Variants in THSD7B observed in about 807,000 individuals in gnomAD.
The protein encoded by THSD7B is thrombospondin type 1 domain containing 7B.
A neutral mutation model predicts 213.6 loss-of-function variants in THSD7B; 138 were observed. The observed-to-expected ratio is 0.65, with a 90% confidence interval of 0.56 to 0.74. THSD7B has a LOEUF of 0.74. Ranked by LOEUF, THSD7B falls within the 30% of genes least tolerant of loss-of-function variation. The probability of loss-of-function intolerance (pLI) is 0.00; values close to 1 mark genes in which losing one functional copy is unlikely to be tolerated. For missense variants in THSD7B, 1,931 were observed against 1,991.5 expected (o/e 0.97, Z 0.58); for synonymous variants, 742 against 687.0 (o/e 1.08, Z -1.25).
At chr2:136,944,082 T>C (rs1288981661) in intron 2 of THSD7B, among the ~76,000 whole-genome samples, 1 of 152,342 alleles carries the variant, frequency 6.6e-6, no homozygotes, top group African/African-American at 2.4e-5. Flanking sequence ...GTATGTTGTC[T>C]CTTTGTTCTT....
At chr2:137,119,108 G>A (rs1271590683) in intron 5 of THSD7B, among the ~76,000 whole-genome samples, 2 of 152,146 alleles carry the variant, frequency 1.3e-5, no homozygotes, top group Non-Finnish European at 2.9e-5. Flanking sequence ...ACCATATCAT[G>A]AGTAGTATAT....
chr2:137,068,836 G>T (rs966000358), intron 3 of THSD7B, among the ~76,000 whole-genome samples: 1 of 151,966 alleles, frequency 6.6e-6, no homozygotes, highest in African/African-American at 2.4e-5. Context: ...TGGTTATTAT[G>T]TCATTTGGAA....
In THSD7B at chr2:137,231,190, G is replaced by A. The variant is rs1681632232; in HGVS notation, c.1870G>A (p.Gly624Arg). 2 of 1,613,022 alleles carry A rather than the reference G, an allele frequency of 1.2e-6. No homozygotes were observed. Among genetic ancestry groups the A allele is most frequent in the Non-Finnish European group, 1.7e-6 (2 of 1,179,544 alleles). Residue 624 changes from glycine to arginine, a missense_variant, in exon 8 of 28, where the codon GGG becomes AGG. Gly to Arg is a moderately radical substitution (Grantham distance 125). Coordinates refer to ENST00000409968, the MANE Select transcript of THSD7B (RefSeq NM_001316349.2). Reference protein sequence around the residue: ...SQSCSNKNSDGKQTRSRTILA... With the variant: ...SQSCSNKNSDRKQTRSRTILA... ...GTCCTGTTCAAATAAAAACTCAGAT[G>A]GGAAACAGACCAGGTCAAGAACTAT... is the stretch of plus-strand genomic sequence containing the variant.
chr2:136,916,399 G>T (rs538579885), intron 2 of THSD7B, among the ~76,000 whole-genome samples: 132 of 152,258 alleles, frequency 8.7e-4, no homozygotes, highest in African/African-American at 3.1e-3. Flanking sequence ...TGCCTGCCAG[G>T]CCAGGCAGAC....
chr2:137,338,363 GA>G (rs1684688454), intron 12 of THSD7B, among the ~76,000 whole-genome samples: 1 of 151,964 alleles, frequency 6.6e-6, no homozygotes, highest in Admixed American at 6.6e-5. Context: ...ATAGTCTATT[GA>G]TCACAGTGGT....
At chr2:136,794,475 T>C (rs1206182341) in intron 1 of THSD7B, among the ~76,000 whole-genome samples, 2 of 151,924 alleles carry the variant, frequency 1.3e-5, no homozygotes, top group Non-Finnish European at 2.9e-5. Context: ...GGTATATTAC[T>C]CAATTTTCAA....
chr2:137,281,295 GA>G (rs202182338), intron 12 of THSD7B, among the ~76,000 whole-genome samples: 4 of 151,438 alleles, frequency 2.6e-5, no homozygotes, highest in South Asian at 2.1e-4. Flanking sequence ...GTTTTTCTGG[GA>G]AAAAAAATTG....
intron 17 of THSD7B, among the ~76,000 whole-genome samples, chr2:137,615,773 T>C (rs1682372760): frequency 6.6e-6 from 1 of 152,168 alleles, no homozygotes; most frequent in Admixed American, 6.6e-5. Context: ...GTGATTATTT[T>C]TATTGGTCTA....
chr2:137,538,881 A>G (rs533456353), intron 15 of THSD7B, among the ~76,000 whole-genome samples: 37 of 151,772 alleles, frequency 2.4e-4, no homozygotes, highest in Middle Eastern at 6.8e-3. Flanking sequence ...TGTCATTGCC[A>G]TGGTTAATAT....
At chr2:137,164,201 C>G (rs1159991406) in intron 6 of THSD7B, among the ~76,000 whole-genome samples, 3 of 152,046 alleles carry the variant, frequency 2.0e-5, no homozygotes, top group Admixed American at 6.6e-5. Flanking sequence ...CTTAAGAGCA[C>G]TAGATAACCA....
At chr2:136,906,390 A>C (rs1245551763) in intron 2 of THSD7B, 1 of 152,178 alleles carries the variant, frequency 6.6e-6, no homozygotes, top group Admixed American at 6.6e-5. Context: ...TATTGAGAGA[A>C]AATGAGAACA....
intron 3 of THSD7B, among the ~76,000 whole-genome samples, chr2:137,067,334 A>T (rs1277168843): frequency 6.6e-6 from 1 of 152,082 alleles, no homozygotes; most frequent in African/African-American, 2.4e-5. Flanking sequence ...TATTTACCTG[A>T]CTTGGAGGTA....
chr2:137,642,359 TAA>T, intron 20 of THSD7B, 127 bp from the exon 21 acceptor site: 1 of 1,175,380 alleles, frequency 8.5e-7, no homozygotes. Context: ...ACAGAAAAAC[TAA>T]AAGTGAGATA....
At position 136,970,464 on chromosome 2, in the gene THSD7B, A is replaced by C. The variant is rs1265335674; in HGVS notation, c.140-85956A>C. Among the ~76,000 whole-genome samples, 4 of 49,154 alleles carry C rather than the reference A, an allele frequency of 8.1e-5. No individual in the cohort carries two copies. In the African/African-American group the frequency reaches 8.2e-4, roughly 10 times the overall value. The allele number at this position is 49,154 out of a possible 152,430, so 32.2% of individuals were successfully genotyped here. ...AGGGAGACAGAGTGAGTCTGTCTCA[A>C]AAAAACAAACAAACAAATAAATAAA... is the stretch of plus-strand genomic sequence containing the variant. On this transcript the variant is annotated intron_variant, in intron 2 of 27. Transcript: ENST00000409968.
At chr2:137,136,562 C>T (rs1263996809) in intron 5 of THSD7B, among the ~76,000 whole-genome samples, 1 of 152,138 alleles carries the variant, frequency 6.6e-6, no homozygotes, top group Non-Finnish European at 1.5e-5. Flanking sequence ...CATGAATGGG[C>T]ACAGTCAGCT....
At chr2:137,447,692 G>A (rs1687569933) in intron 14 of THSD7B, among the ~76,000 whole-genome samples, 1 of 151,486 alleles carries the variant, frequency 6.6e-6, no homozygotes, top group South Asian at 2.1e-4. Flanking sequence ...TTAGATTTTA[G>A]TGTATTCTCT....
chr2:137,321,889 A>T (rs1417680047), intron 12 of THSD7B, among the ~76,000 whole-genome samples: 1 of 151,802 alleles, frequency 6.6e-6, no homozygotes, highest in Admixed American at 6.6e-5. Flanking sequence ...GTGCCTTGTG[A>T]GCAGGAAAGC....
intron 12 of THSD7B, among the ~76,000 whole-genome samples, chr2:137,283,141 C>T (rs894066474): frequency 6.6e-6 from 1 of 152,030 alleles, no homozygotes; most frequent in African/African-American, 2.4e-5. Flanking sequence ...AAGTTGGATT[C>T]CTAGGTATTT....
intron 1 of THSD7B, among the ~76,000 whole-genome samples, chr2:136,845,586 T>C (rs1682995564): frequency 6.6e-6 from 1 of 152,258 alleles, no homozygotes; most frequent in Admixed American, 6.5e-5. Flanking sequence ...GTACAAGTCA[T>C]TGTTTAAATA....
Sources: allele counts gnomAD v4.1 joint callset (sites outside exome capture counted in the v4.1 genomes callset), GRCh38; gene constraint gnomAD v4.1.1; transcripts MANE v1.5; gene names NCBI Gene and HGNC (gene_info 2026-07-23, HGNC 2026-07-21).